KDM5B: variants seen among roughly 807,000 people sequenced by gnomAD.
The protein encoded by KDM5B is lysine demethylase 5B.
Under a neutral mutation model 193.4 loss-of-function variants are expected in KDM5B, and 144 were observed. The observed-to-expected ratio is 0.74, with a 90% CI of 0.65 to 0.86. The LOEUF is 0.86. Among genes scored for constraint, KDM5B ranks in the 40% least tolerant of loss-of-function variants. KDM5B has a pLI of 0.00. For synonymous variants in KDM5B, 668 were observed against 682.6 expected, an observed-to-expected ratio of 0.98 and a Z score of 0.33; for missense variants, 1,833 against 1,886.9, an observed-to-expected ratio of 0.97 and a Z score of 0.53.
At chr1:202,784,273 A>G (rs1657318081) in intron 1 of KDM5B, among the ~76,000 whole-genome samples, 1 of 152,216 alleles carries the variant, frequency 6.6e-6, no homozygotes, top group Non-Finnish European at 1.5e-5. Context: ...TATGCTCTAC[A>G]GAGGCTACGA....
chr1:202,799,365 A>G (rs751334230), intron 1 of KDM5B, among the ~76,000 whole-genome samples: 2 of 152,178 alleles, frequency 1.3e-5, no homozygotes, highest in South Asian at 4.1e-4. Flanking sequence ...TTTGAAAAGT[A>G]ATTTTAACCC....
rs762131475 is a variant in KDM5B at position 202,745,845 on chromosome 1, C to T, written c.2323+13G>A. 16 of 1,613,778 alleles carry T rather than the reference C, an allele frequency of 9.9e-6. No individual in the cohort carries two copies. Among genetic ancestry groups the T allele is most frequent in the Non-Finnish European group, 8.5e-7 (1 of 1,179,754 alleles). ...AATTTGCCAATCACCAAGTCACTTT[C>T]TGTATCACATACTTTTCTTCTTGTT... is the stretch of plus-strand genomic sequence containing the variant. On this transcript the variant is annotated intron_variant, in intron 16 of 26. Coordinates refer to ENST00000367265, the MANE Select transcript of KDM5B (RefSeq NM_006618.5).
chr1:202,763,034 G>A (rs1397753003), intron 6 of KDM5B, among the ~76,000 whole-genome samples: 1 of 152,176 alleles, frequency 6.6e-6, no homozygotes, highest in Non-Finnish European at 1.5e-5. Flanking sequence ...ATTACTTCTG[G>A]AGATGTCCCT....
At position 202,784,018 on chromosome 1, in the gene KDM5B, ATTAAC is replaced by A. The variant is rs779482316; in HGVS notation, c.205-6929_205-6925del. ...GGTAAACATTTTCCTCAGTGCCAGCATTAACTTAACAACAACTAAAAGCAGATTTA... is the reference window on the plus strand; with the variant it reads ...GGTAAACATTTTCCTCAGTGCCAGCATTAACAACAACTAAAAGCAGATTTA... On this transcript the variant is annotated intron_variant, in intron 1 of 26. Transcript: ENST00000367265. Among the ~76,000 whole-genome samples, 12 of 152,242 alleles carry A rather than the reference ATTAAC, an allele frequency of 7.9e-5. No homozygotes were observed. In the South Asian group the frequency reaches 8.3e-4, roughly 10 times the overall value.
chr1:202,801,512 G>T (rs1188704278), intron 1 of KDM5B, among the ~76,000 whole-genome samples: 1 of 152,054 alleles, frequency 6.6e-6, no homozygotes. Flanking sequence ...CATTAATCTG[G>T]TTCATAAACT....
chr1:202,793,283 A>G (rs1210819559), intron 1 of KDM5B, among the ~76,000 whole-genome samples: 1 of 152,224 alleles, frequency 6.6e-6, no homozygotes, highest in Non-Finnish European at 1.5e-5. Context: ...TGAACCTACC[A>G]GGATACAAAG....
chr1:202,766,460 C>A (rs748419593), intron 5 of KDM5B: 7 of 406,678 alleles, frequency 1.7e-5, no homozygotes, highest in South Asian at 1.2e-4. Flanking sequence ...GAGCCAAGAT[C>A]GCGCCACTGC....
At chr1:202,757,911 GGAGTAT>G in intron 9 of KDM5B, among the ~76,000 whole-genome samples, 1 of 152,260 alleles carries the variant, frequency 6.6e-6, no homozygotes, top group Middle Eastern at 3.4e-3. Flanking sequence ...CTCATTTGAT[GGAGTAT>G]TAAATGCTGA....
intron 13 of KDM5B, among the ~76,000 whole-genome samples, chr1:202,749,686 C>G (rs999630279): frequency 2.6e-5 from 4 of 151,030 alleles, no homozygotes; most frequent in Non-Finnish European, 5.9e-5. Flanking sequence ...AAAAAAAAGA[C>G]CCAGCATATT....
rs749114733 is a variant in KDM5B, at chr1:202,733,577, G to A, written c.3733C>T (p.Arg1245Cys). The change falls in exon 23 of 27, where the codon CGC becomes TGC. Residue 1245 changes from arginine to cysteine, a missense_variant. By Grantham distance (180) the Arg-to-Cys change is radical. Coordinates refer to ENST00000367265, the MANE Select transcript of KDM5B (RefSeq NM_006618.5). ...CGAAGTGCATCTCCCTCAGGAAGGC[G>A]AACTCGGATACGCTGAAGGGAGGCG... ...LLASLQRIRVRLPEGDALRYM... is the reference protein window; with the variant it reads ...LLASLQRIRVCLPEGDALRYM... 7 of 1,614,096 alleles carry A rather than the reference G, an allele frequency of 4.3e-6. No individual in the cohort carries two copies. The highest frequency in any genetic ancestry group is 1.1e-5 in the South Asian group (1 of 91,082).
intron 1 of KDM5B, among the ~76,000 whole-genome samples, chr1:202,790,247 C>T (rs1279168072): frequency 6.8e-6 from 1 of 148,048 alleles, no homozygotes; most frequent in East Asian, 2.0e-4. Context: ...TTGGCAACAA[C>T]AGTGAAACTG....
Position 202,779,603 on chromosome 1 carries a change from C to G in KDM5B, c.205-2509G>C, listed in dbSNP as rs1657109681. The stretch of plus-strand genomic sequence containing the variant: ...AGCAGATCACCTGAGGTCAGGAGAC[C>G]AGCCTGGCCAACATGGCAAAACCCC... On this transcript the variant is annotated intron_variant, in intron 1 of 26. Coordinates refer to ENST00000367265, the MANE Select transcript of KDM5B (RefSeq NM_006618.5). 2.0e-5 allele frequency among the ~76,000 whole-genome samples: 3 copies of G among 152,150 alleles called. No homozygotes were observed. In the South Asian group the frequency reaches 6.2e-4, roughly 32 times the overall value.
rs1654614581 is a variant in KDM5B at position 202,724,582 on chromosome 1, G to A, written c.*4454C>T. ...TGCATTATGGCTATTATGAATGAAGGCCCTCATCCCCAAACTAATTTTTCT... is the reference window on the plus strand; with the variant it reads ...TGCATTATGGCTATTATGAATGAAGACCCTCATCCCCAAACTAATTTTTCT... On this transcript the variant is annotated 3_prime_UTR_variant, in exon 27 of 27. Transcript: ENST00000367265. The A allele has an allele frequency of 1.3e-5, 2 of 152,310 alleles. No individual in the cohort carries two copies. Among genetic ancestry groups the A allele is most frequent in the South Asian group, 2.1e-4 (1 of 4,828 alleles). 9.4% of individuals were successfully genotyped at this position (152,310 alleles called of 1,614,324 possible).
chr1:202,765,207 A>G (rs1018245257), intron 5 of KDM5B, among the ~76,000 whole-genome samples: 1 of 148,656 alleles, frequency 6.7e-6, no homozygotes, highest in Non-Finnish European at 1.5e-5. Flanking sequence ...ATAATTTTCC[A>G]TAAATTATTT....
chr1:202,733,965 G>C (rs935672915), intron 22 of KDM5B, 79 bp from the exon 23 acceptor site: 15 of 1,494,010 alleles, frequency 1.0e-5, no homozygotes, highest in South Asian at 2.6e-5. Context: ...TAGTGGTTAA[G>C]AGCATGGGAT....
chr1:202,779,401 C>G (rs1396605468), intron 1 of KDM5B, among the ~76,000 whole-genome samples: 1 of 151,868 alleles, frequency 6.6e-6, no homozygotes, highest in African/African-American at 2.4e-5. Context: ...ATGGTGTGAA[C>G]CCGGGAGGCG....
chr1:202,785,297 C>T (rs1324904962), intron 1 of KDM5B, among the ~76,000 whole-genome samples: 1 of 152,202 alleles, frequency 6.6e-6, no homozygotes. Flanking sequence ...GCCACTTTAA[C>T]ACAGGTTAAA....
At chr1:202,767,553 CT>C (rs912166149) in intron 4 of KDM5B, 10 of 612,802 alleles carry the variant, frequency 1.6e-5, no homozygotes, top group Admixed American at 1.2e-4. Context: ...CTTTTTTAAT[CT>C]TAGAGAGTTT....
At chr1:202,774,785 T>C in intron 2 of KDM5B, 50 bp from the exon 3 acceptor site, 1 of 1,532,306 alleles carries the variant, frequency 6.5e-7, no homozygotes. Context: ...ATTTTAAAGC[T>C]CCTATTACCT....
Sources: gnomAD v4.1 joint callset for allele counts (sites outside exome capture counted in the v4.1 genomes callset) on GRCh38, gnomAD v4.1.1 for gene constraint, MANE v1.5 for transcripts, NCBI Gene and HGNC (gene_info 2026-07-23, HGNC 2026-07-21) for gene names.